The following THSD7B variants were observed in gnomAD, a reference collection of about 807,000 sequenced individuals.
THSD7B encodes the protein thrombospondin type-1 domain-containing protein 7B.
THSD7B carries 138 observed loss-of-function variants against 213.6 expected under a neutral mutation model. The observed-to-expected ratio is 0.65, with a 90% confidence interval of 0.56 to 0.74. The LOEUF is 0.74. Among genes scored for constraint, THSD7B ranks in the 30% least tolerant of loss-of-function variants. The pLI, the probability that THSD7B is intolerant of heterozygous loss-of-function variation, is 0.00. For missense variants in THSD7B, 1,931 were observed against 1,991.5 expected, an observed-to-expected ratio of 0.97 and a Z score of 0.58; for synonymous variants, 742 against 687.0, an observed-to-expected ratio of 1.08 and a Z score of -1.25.
At chr2:137,196,405 T>G (rs13419866) in intron 7 of THSD7B, among the ~76,000 whole-genome samples, 1 of 54,552 alleles carries the variant, frequency 1.8e-5, no homozygotes, top group Non-Finnish European at 3.6e-5. Flanking sequence ...TTTTTTTTTG[T>G]GGCTGCCGTT....
intron 20 of THSD7B, among the ~76,000 whole-genome samples, chr2:137,636,332 C>G (rs1682832276): frequency 6.6e-6 from 1 of 152,088 alleles, no homozygotes; most frequent in Non-Finnish European, 1.5e-5. Flanking sequence ...TAAAGGGAGC[C>G]CTTGGAAAAC....
chr2:137,130,308 G>A (rs1038151944), intron 5 of THSD7B, among the ~76,000 whole-genome samples: 2 of 151,938 alleles, frequency 1.3e-5, no homozygotes, highest in Non-Finnish European at 2.9e-5. Flanking sequence ...TTGCTCAAAG[G>A]GCTGTGCTAC....
At chr2:137,210,465 G>A (rs2196348) in intron 7 of THSD7B, among the ~76,000 whole-genome samples, 90,743 of 151,878 alleles carry the variant, frequency 0.6, 27,517 homozygotes, top group South Asian at 0.71. Flanking sequence ...TATCCATTGA[G>A]GCTGATTTGA....
rs150991321 is a variant in THSD7B at position 137,635,028 on chromosome 2, C to T, written c.3800-7460C>T. 1.5e-3 allele frequency among the ~76,000 whole-genome samples: 226 copies of T among 152,124 alleles called. 1 individual carries two copies. The highest frequency in any genetic ancestry group is 5.3e-3 in the African/African-American group (218 of 41,508). ...TGTTTCATTGCTAGTGATTATTGCT[C>T]ATATAATAATAAGCTCAATATCAAT... is the stretch of plus-strand genomic sequence containing the variant. On this transcript the variant is annotated intron_variant, in intron 20 of 27. Transcript: ENST00000409968.
intron 15 of THSD7B, among the ~76,000 whole-genome samples, chr2:137,513,739 C>A (rs1680014701): frequency 6.6e-6 from 1 of 152,136 alleles, no homozygotes; most frequent in Admixed American, 6.5e-5. Flanking sequence ...GAGGATTATT[C>A]TGGAACCTGA....
chr2:137,386,298 G>T (rs773644865), intron 12 of THSD7B, among the ~76,000 whole-genome samples: 6 of 152,174 alleles, frequency 3.9e-5, no homozygotes, highest in African/African-American at 7.2e-5. Flanking sequence ...TCTTTCATCT[G>T]TGTATCTTAG....
intron 12 of THSD7B, among the ~76,000 whole-genome samples, chr2:137,386,553 T>A (rs982439736): frequency 9.9e-5 from 15 of 152,194 alleles, no homozygotes; most frequent in Non-Finnish European, 2.2e-4. Flanking sequence ...TTTCTTTAAC[T>A]ATTAGAGTTG....
chr2:137,449,863 C>A (rs1007458630), intron 14 of THSD7B, among the ~76,000 whole-genome samples: 1 of 152,080 alleles, frequency 6.6e-6, no homozygotes, highest in African/African-American at 2.4e-5. Context: ...TGTAAATTCC[C>A]TTCACATTTG....
intron 1 of THSD7B, among the ~76,000 whole-genome samples, chr2:136,856,273 G>A (rs1366781973): frequency 6.6e-6 from 1 of 152,102 alleles, no homozygotes; most frequent in African/African-American, 2.4e-5. Context: ...GAGTTGGGAG[G>A]ATGGGACTGT....
intron 5 of THSD7B, among the ~76,000 whole-genome samples, chr2:137,157,968 A>G (rs1281778187): frequency 2.0e-5 from 3 of 152,228 alleles, no homozygotes; most frequent in African/African-American, 7.2e-5. Context: ...GTATAAGACC[A>G]GATTGAAATA....
intron 15 of THSD7B, among the ~76,000 whole-genome samples, chr2:137,544,591 C>T (rs1020199591): frequency 3.3e-5 from 5 of 151,662 alleles, no homozygotes; most frequent in African/African-American, 4.8e-5. Context: ...AGATTTAGTT[C>T]CCACTGTTGA....
At chr2:137,376,609 AT>A (rs1428601102) in intron 12 of THSD7B, among the ~76,000 whole-genome samples, 1 of 152,244 alleles carries the variant, frequency 6.6e-6, no homozygotes, top group African/African-American at 2.4e-5. Flanking sequence ...TAGCATATTT[AT>A]TCTTTCTACC....
At chr2:137,288,483 T>C (rs1683237495) in intron 12 of THSD7B, among the ~76,000 whole-genome samples, 2 of 152,008 alleles carry the variant, frequency 1.3e-5, no homozygotes, top group Admixed American at 6.6e-5. Context: ...TTGAAGACTT[T>C]GTAATTATGC....
chr2:137,221,303 A>G (rs1479974546), intron 7 of THSD7B, among the ~76,000 whole-genome samples: 1 of 152,092 alleles, frequency 6.6e-6, no homozygotes, highest in East Asian at 1.9e-4. Flanking sequence ...AACAAAAACA[A>G]AAACAAAAAC....
chr2:137,131,695 T>C (rs764356763), intron 5 of THSD7B, among the ~76,000 whole-genome samples: 8 of 152,360 alleles, frequency 5.3e-5, no homozygotes, highest in African/African-American at 1.4e-4. Flanking sequence ...GTTGTAGATA[T>C]GCAGCGTTAT....
intron 12 of THSD7B, among the ~76,000 whole-genome samples, chr2:137,316,775 A>G (rs1029210907): frequency 2.0e-5 from 3 of 150,804 alleles, no homozygotes; most frequent in African/African-American, 7.3e-5. Context: ...AAAAAGAAAA[A>G]GAAAAAAAAA....
intron 1 of THSD7B, among the ~76,000 whole-genome samples, chr2:136,852,344 A>T (rs1020126709): frequency 2.4e-4 from 36 of 151,908 alleles, no homozygotes; most frequent in Admixed American, 2.3e-3. Context: ...AAAACAAAAC[A>T]AAACAACAAA....
At chr2:137,118,618 G>T (rs1224873900) in intron 5 of THSD7B, among the ~76,000 whole-genome samples, 1 of 152,062 alleles carries the variant, frequency 6.6e-6, no homozygotes, top group African/African-American at 2.4e-5. Flanking sequence ...ATGGAACACA[G>T]TTTAGCTCTG....
intron 12 of THSD7B, among the ~76,000 whole-genome samples, chr2:137,322,138 T>C (rs1684275680): frequency 6.6e-6 from 1 of 152,208 alleles, no homozygotes; most frequent in Admixed American, 6.5e-5. Flanking sequence ...TAAAAAGTCA[T>C]TTGCTCATTC....
Sources: allele counts gnomAD v4.1 joint callset (sites outside exome capture counted in the v4.1 genomes callset), GRCh38; gene constraint gnomAD v4.1.1; transcripts MANE v1.5; gene names NCBI Gene and HGNC (gene_info 2026-07-23, HGNC 2026-07-21).